Variants in WNT9B observed in about 807,000 individuals in gnomAD.
WNT9B encodes the protein Wnt family member 9B.
Under a neutral mutation model 30.2 loss-of-function variants are expected in WNT9B, and 12 were observed. The ratio of observed to expected loss-of-function variants is 0.40; its 90% CI spans 0.26 to 0.64. The LOEUF is 0.64. WNT9B is among the 30% of genes least tolerant of loss of function. WNT9B has a pLI of 0.42. For missense variants in WNT9B, 442 were observed against 485.2 expected (o/e 0.91, Z 0.84); for synonymous variants, 218 against 216.9 (o/e 1.01, Z -0.05).
chr17:46,871,635 A>G (rs73987091), intron 1 of WNT9B, among the ~76,000 whole-genome samples: 1,909 of 152,322 alleles, frequency 0.013, 45 homozygotes, highest in African/African-American at 0.043. Flanking sequence ...GAGGTAGAGA[A>G]GATCACTCTG....
At chr17:46,862,267 T>A (rs1238960218) in intron 1 of WNT9B, among the ~76,000 whole-genome samples, 1 of 151,758 alleles carries the variant, frequency 6.6e-6, no homozygotes, top group Non-Finnish European at 1.5e-5. Flanking sequence ...ATTAAAAAAT[T>A]AAAAGTACAG....
In WNT9B at chr17:46,879,921, G is replaced by A. The variant is rs756556504; in HGVS notation, c.*3203G>A. 1.3e-5 allele frequency among the ~76,000 whole-genome samples: 2 copies of A among 152,242 alleles called. No individual in the cohort carries two copies. The highest frequency in any genetic ancestry group is 2.9e-5 in the Non-Finnish European group (2 of 68,034). On this transcript the variant is annotated 3_prime_UTR_variant, in exon 4 of 4. Coordinates refer to ENST00000290015, the MANE Select transcript of WNT9B (RefSeq NM_003396.3). ...GAACCCATGGAGGCCACTCCAAGGGGTCCTTCTGCCCACACTGCCCAAGAA... is the reference window on the plus strand; with the variant it reads ...GAACCCATGGAGGCCACTCCAAGGGATCCTTCTGCCCACACTGCCCAAGAA...
rs571921856 is a variant in WNT9B, at chr17:46,856,692, C to T, written c.77+4977C>T. Among the ~76,000 whole-genome samples the T allele has an allele frequency of 3.3e-5, 5 of 152,216 alleles. No individual in the cohort carries two copies. The South Asian group carries it at 1.0e-3, about 32-fold the overall frequency. On this transcript the variant is annotated intron_variant, in intron 1 of 3. Transcript: ENST00000290015. The stretch of plus-strand genomic sequence containing the variant: ...GAAGACACGGTTTCACCATGTTGGC[C>T]AAGCAGGTCTCAAACTCCTGACCTC...
upstream of WNT9B, chr17:46,851,567 G>A: frequency 2.3e-6 from 2 of 857,388 alleles, no homozygotes; most frequent in Non-Finnish European, 1.5e-6. The surrounding 1 kb of genome is among the most constrained non-coding windows in gnomAD (Gnocchi z 4.3). Context: ...AAAGTCCCGC[G>A]GGCGGGTGGT....
chr17:46,848,272 C>G (rs2084800541), upstream of WNT9B, among the ~76,000 whole-genome samples: 1 of 152,194 alleles, frequency 6.6e-6, no homozygotes, highest in Admixed American at 6.5e-5. Flanking sequence ...GGAAGGAGTG[C>G]TTCCGTCACC....
intron 2 of WNT9B, among the ~76,000 whole-genome samples, chr17:46,873,871 C>A (rs183396167): frequency 2.0e-5 from 3 of 152,046 alleles, no homozygotes; most frequent in Admixed American, 2.0e-4. Flanking sequence ...AGCCTGTAAT[C>A]CCAGCTACTT....
intron 1 of WNT9B, among the ~76,000 whole-genome samples, chr17:46,840,012 T>TTTC (rs1568113881): frequency 9.3e-5 from 9 of 96,666 alleles, no homozygotes; most frequent in African/African-American, 3.8e-4. Flanking sequence ...TCTTTCTTTC[T>TTTC]TTCTTTCTTT....
chr17:46,836,969 G>T (rs537482230), intron 1 of WNT9B, among the ~76,000 whole-genome samples: 1 of 152,110 alleles, frequency 6.6e-6, no homozygotes, highest in Non-Finnish European at 1.5e-5. Context: ...TTGAGACAGA[G>T]TCTCGCTCTG....
chr17:46,848,932 GCA>G (rs60793746), upstream of WNT9B, among the ~76,000 whole-genome samples: 4 of 146,138 alleles, frequency 2.7e-5, no homozygotes, highest in Non-Finnish European at 4.6e-5. Context: ...GTGTGCACGT[GCA>G]CACACACACA....
chr17:46,841,816 C>T (rs1009666771), intron 1 of WNT9B, among the ~76,000 whole-genome samples: 2 of 152,256 alleles, frequency 1.3e-5, no homozygotes, highest in African/African-American at 2.4e-5. Flanking sequence ...CCACGTCCTC[C>T]TCTGAGCTCC....
In WNT9B at chr17:46,879,453, G is replaced by A. The variant is rs1006635073; in HGVS notation, c.*2735G>A. ...CCCCTTCTTCTGCTCTGGCAAAAGT[G>A]TCTTACTCATAATGATAATGACAAC... On this transcript the variant is annotated 3_prime_UTR_variant, in exon 4 of 4. Transcript: ENST00000290015. Among the ~76,000 whole-genome samples the A allele has an allele frequency of 6.6e-6, 1 of 152,220 alleles. No homozygotes were observed. Among genetic ancestry groups the A allele is most frequent in the African/African-American group, 2.4e-5 (1 of 41,450 alleles).
chr17:46,877,424 A>C lies in WNT9B; in HGVS notation c.*706A>C, dbSNP rs550809255. On this transcript the variant is annotated 3_prime_UTR_variant, in exon 4 of 4. Coordinates refer to ENST00000290015, the MANE Select transcript of WNT9B (RefSeq NM_003396.3). Reference sequence around the variant, plus strand: ...GCTGAGGCCTCATTCTTGTCTCGAGAGCTGGGTTATGCACACTCACCCAGC... The same window carrying C: ...GCTGAGGCCTCATTCTTGTCTCGAGCGCTGGGTTATGCACACTCACCCAGC... Among the ~76,000 whole-genome samples the C allele has an allele frequency of 5.3e-5, 8 of 152,196 alleles. No homozygotes were observed. Among genetic ancestry groups the C allele is most frequent in the Admixed American group, 3.9e-4 (6 of 15,298 alleles).
intron 2 of WNT9B, among the ~76,000 whole-genome samples, chr17:46,873,687 C>T (rs556810240): frequency 3.1e-4 from 47 of 152,094 alleles, no homozygotes; most frequent in African/African-American, 1.1e-3. Context: ...GATGAAACCC[C>T]GTCTCTACTA....
downstream of WNT9B, among the ~76,000 whole-genome samples, chr17:46,884,094 C>T (rs764520092): frequency 2.0e-5 from 3 of 152,138 alleles, no homozygotes; most frequent in Non-Finnish European, 4.4e-5. Flanking sequence ...CCTGCCCCCA[C>T]GTCTCAACAA....
At chr17:46,834,990 CCTT>C (rs1336998231) in intron 1 of WNT9B, among the ~76,000 whole-genome samples, 1 of 151,400 alleles carries the variant, frequency 6.6e-6, no homozygotes. Context: ...TTCTCCTTCT[CCTT>C]CTCCTTCTTC....
exon 1 of WNT9B, chr17:46,833,437 G>A (rs1331816516): frequency 1.9e-6 from 1 of 515,110 alleles, no homozygotes; most frequent in Admixed American, 2.0e-5. Context: ...AGAAGAATCA[G>A]AAGGTGAGTG....
intron 1 of WNT9B, 33 bp from the exon 2 acceptor site, chr17:46,872,484 G>A: frequency 1.4e-6 from 2 of 1,459,046 alleles, no homozygotes; most frequent in Non-Finnish European, 1.8e-6. Context: ...CATCCCCAAG[G>A]CTCACCTGTC....
At chr17:46,851,504 G>T, upstream of WNT9B, 1 of 389,164 alleles carries the variant, frequency 2.6e-6, no homozygotes, top group Non-Finnish European at 4.3e-6. The surrounding 1 kb of genome is among the most constrained non-coding windows in gnomAD (Gnocchi z 4.3). Flanking sequence ...GGGCTGGGGA[G>T]CCTCCCAATC....
At chr17:46,854,960 C>T (rs923230145) in intron 1 of WNT9B, among the ~76,000 whole-genome samples, 3 of 152,156 alleles carry the variant, frequency 2.0e-5, no homozygotes, top group African/African-American at 7.2e-5. Context: ...ATGCCCAGCC[C>T]ATCACTTTCT....
Sources: gnomAD v4.1 joint callset for allele counts (sites outside exome capture counted in the v4.1 genomes callset) on GRCh38, gnomAD v4.1.1 for gene constraint, Gnocchi (gnomAD v3.1) non-coding constraint, MANE v1.5 for transcripts, NCBI Gene and HGNC (gene_info 2026-07-23, HGNC 2026-07-21) for gene names.